Variants in PAG1 observed in about 807,000 individuals in gnomAD.
PAG1 encodes phosphoprotein membrane anchor with glycosphingolipid microdomains 1, also known as phosphoprotein associated with glycosphingolipid-enriched microdomains 1.
Under a neutral mutation model 31.7 loss-of-function variants are expected in PAG1, and 23 were observed. That is an observed-to-expected ratio of 0.73 (90% CI 0.52 to 1.03). The LOEUF is 1.03. Among genes scored for constraint, PAG1 ranks in the 50% least tolerant of loss-of-function variants. The probability of loss-of-function intolerance (pLI) is 0.00; values close to 1 mark genes in which losing one functional copy is unlikely to be tolerated. For synonymous variants in PAG1, 214 were observed against 210.3 expected, an observed-to-expected ratio of 1.02 and a Z score of -0.15; for missense variants, 473 against 540.7, an observed-to-expected ratio of 0.87 and a Z score of 1.24.
At chr8:81,029,388 A>ACACC (rs1563635400) in intron 3 of PAG1, among the ~76,000 whole-genome samples, 1 of 146,680 alleles carries the variant, frequency 6.8e-6, no homozygotes, top group South Asian at 2.2e-4. Flanking sequence ...ACACACACAC[A>ACACC]CCCCTCCCCA....
chr8:81,061,696 C>T (rs55954933), intron 2 of PAG1, among the ~76,000 whole-genome samples: 2,900 of 152,236 alleles, frequency 0.019, 45 homozygotes, highest in Non-Finnish European at 0.03. Flanking sequence ...GGTCTTAGCA[C>T]CTTGTAGGTG....
chr8:80,979,359 G>A (rs756525247), intron 8 of PAG1, among the ~76,000 whole-genome samples: 3 of 152,184 alleles, frequency 2.0e-5, no homozygotes, highest in Admixed American at 1.3e-4. Context: ...GCCTAGGGAG[G>A]GGCGGCCGCA....
Position 81,069,472 on chromosome 8 carries a change from C to T in PAG1, c.-175+640G>A, listed in dbSNP as rs146337272. On this transcript the variant is annotated intron_variant, in intron 2 of 8. Transcript: ENST00000220597. ...AGGATTCATTATAAACACTGATAAC[C>T]ATTGTAGTAAATGAATTTCTAAAAT... 7.1e-4 allele frequency among the ~76,000 whole-genome samples: 108 copies of T among 152,294 alleles called. 1 individual carries two copies. The highest frequency in any genetic ancestry group is 3.4e-3 in the Middle Eastern group (1 of 294).
chr8:81,015,207 T>C (rs1477898452), intron 3 of PAG1, among the ~76,000 whole-genome samples: 5 of 152,206 alleles, frequency 3.3e-5, no homozygotes, highest in African/African-American at 1.2e-4. Context: ...AATCTAGAAC[T>C]ATATGAGGCT....
chr8:81,001,437 A>T (rs778398384), intron 3 of PAG1, among the ~76,000 whole-genome samples: 9 of 152,184 alleles, frequency 5.9e-5, no homozygotes, highest in Non-Finnish European at 1.3e-4. Context: ...AGTGATGCTG[A>T]AACTTGATGG....
chr8:81,064,985 A>G (rs1335014825), intron 2 of PAG1, among the ~76,000 whole-genome samples: 1 of 152,236 alleles, frequency 6.6e-6, no homozygotes, highest in Non-Finnish European at 1.5e-5. Context: ...GAGAGGAAAC[A>G]GCAGAGATCC....
At chr8:81,000,762 T>C (rs1807770917) in intron 3 of PAG1, among the ~76,000 whole-genome samples, 1 of 152,188 alleles carries the variant, frequency 6.6e-6, no homozygotes, top group Admixed American at 6.5e-5. Context: ...TCCTTCACTC[T>C]GGAATGAACA....
At chr8:81,046,728 C>A (rs1338877232) in intron 2 of PAG1, among the ~76,000 whole-genome samples, 1 of 152,002 alleles carries the variant, frequency 6.6e-6, no homozygotes, top group African/African-American at 2.4e-5. Context: ...GCAGGATGTG[C>A]AGGTTTATTA....
Position 80,979,810 on chromosome 8 carries a change from T to C in PAG1, c.936+625A>G, listed in dbSNP as rs539398388. On this transcript the variant is annotated intron_variant, in intron 8 of 8. Transcript: ENST00000220597. Reference sequence around the variant, plus strand: ...TATATACATATGAAATATGTATATATACACATATTTCATATTATATGTATA... The same window carrying C: ...TATATACATATGAAATATGTATATACACACATATTTCATATTATATGTATA... Among the ~76,000 whole-genome samples, 33 of 151,582 alleles carry C rather than the reference T, an allele frequency of 2.2e-4. No homozygotes were observed. In the South Asian group the frequency reaches 6.8e-3, roughly 31 times the overall value.
intron 1 of PAG1, among the ~76,000 whole-genome samples, chr8:81,080,636 C>T (rs1189128256): frequency 1.3e-5 from 2 of 152,128 alleles, no homozygotes; most frequent in Non-Finnish European, 2.9e-5. Flanking sequence ...AGAATGTACA[C>T]CCAGTGTTGG....
intron 2 of PAG1, among the ~76,000 whole-genome samples, chr8:81,064,924 T>G (rs1480637921): frequency 6.6e-6 from 1 of 152,216 alleles, no homozygotes; most frequent in Non-Finnish European, 1.5e-5. Flanking sequence ...TGCTTTCCCT[T>G]CTAATTCCTA....
At chr8:81,101,306 T>C (rs1563431096) in intron 1 of PAG1, among the ~76,000 whole-genome samples, 1 of 152,176 alleles carries the variant, frequency 6.6e-6, no homozygotes, top group Admixed American at 6.5e-5. Flanking sequence ...GATGTACATT[T>C]TGGGCAAAGT....
intron 5 of PAG1, 76 bp from the exon 6 acceptor site, chr8:80,987,542 C>T (rs141519293): frequency 4.9e-6 from 5 of 1,021,046 alleles, no homozygotes; most frequent in Non-Finnish European, 7.6e-6. Flanking sequence ...AGGAGAAGAT[C>T]CATGGCTTTT....
chr8:81,111,991 G>A lies in PAG1; in HGVS notation c.-634C>T, dbSNP rs964943356. The A allele has an allele frequency of 6.6e-6, 1 of 152,384 alleles. No homozygotes were observed. The highest frequency in any genetic ancestry group is 1.9e-4 in the East Asian group (1 of 5,170). 9.4% of individuals were successfully genotyped at this position (152,384 alleles called of 1,614,324 possible). ...CCGCCAGCCCGCCCCCAGTCGGCTG[G>A]TCACATCGCGGGCGCGCAGACGGAC... is the stretch of plus-strand genomic sequence containing the variant. On this transcript the variant is annotated 5_prime_UTR_variant, in exon 1 of 9. Coordinates refer to ENST00000220597, the MANE Select transcript of PAG1 (RefSeq NM_018440.4).
intron 3 of PAG1, among the ~76,000 whole-genome samples, chr8:81,002,560 G>A (rs1409997940): frequency 6.6e-6 from 1 of 152,192 alleles, no homozygotes. Context: ...TTCACTGTGA[G>A]CTAGTGCCAA....
chr8:81,041,105 AAAG>A (rs1310978377), intron 2 of PAG1, among the ~76,000 whole-genome samples: 1 of 152,224 alleles, frequency 6.6e-6, no homozygotes, highest in African/African-American at 2.4e-5. Flanking sequence ...ACAGAAGAAG[AAAG>A]AAGGAGAAAC....
At chr8:81,097,237 G>A (rs1386574754) in intron 1 of PAG1, among the ~76,000 whole-genome samples, 1 of 152,188 alleles carries the variant, frequency 6.6e-6, no homozygotes, top group African/African-American at 2.4e-5. Flanking sequence ...CCCAGGTGAT[G>A]TTAATCACAG....
rs546435568 is a variant in PAG1 at position 80,968,142 on chromosome 8, T to C, written c.*8402A>G. ...CTTATTCTTAACATGACTAACAGTATTGTTATTTAAACCCTAAACATAATT... is the reference window on the plus strand; with the variant it reads ...CTTATTCTTAACATGACTAACAGTACTGTTATTTAAACCCTAAACATAATT... On this transcript the variant is annotated 3_prime_UTR_variant, in exon 9 of 9. Transcript: ENST00000220597. 1 of 152,360 alleles carries C rather than the reference T, an allele frequency of 6.6e-6. No homozygotes were observed. Among genetic ancestry groups the C allele is most frequent in the East Asian group, 1.9e-4 (1 of 5,190 alleles). 9.4% of individuals were successfully genotyped at this position (152,360 alleles called of 1,614,324 possible).
chr8:81,075,930 G>A (rs1191684569), intron 1 of PAG1, among the ~76,000 whole-genome samples: 1 of 152,194 alleles, frequency 6.6e-6, no homozygotes, highest in African/African-American at 2.4e-5. Context: ...CCCTTGCTTA[G>A]ATGTGACCAT....
Sources: allele counts gnomAD v4.1 joint callset (sites outside exome capture counted in the v4.1 genomes callset), GRCh38; gene constraint gnomAD v4.1.1; transcripts MANE v1.5; gene names NCBI Gene and HGNC (gene_info 2026-07-23, HGNC 2026-07-21).